Variants in CSMD1 observed in about 807,000 individuals in gnomAD.
The protein encoded by CSMD1 is CUB and sushi domain-containing protein 1.
In CSMD1, 213 loss-of-function variants were observed where a neutral mutation model predicts 417.5. The observed-to-expected ratio is 0.51, with a 90% CI of 0.46 to 0.57. CSMD1 has a LOEUF of 0.57. CSMD1 is among the 20% of genes least tolerant of loss of function. CSMD1 has a pLI of 0.00. For missense variants in CSMD1, 6,923 were observed against 4,529.7 expected (o/e 1.53, Z -15.17); for synonymous variants, 2,862 against 1,736.8 (o/e 1.65, Z -16.11).
intron 44 of CSMD1, among the ~76,000 whole-genome samples, chr8:3,108,299 A>G (rs1311259828): frequency 6.6e-6 from 1 of 152,202 alleles, no homozygotes; most frequent in East Asian, 1.9e-4. Context: ...ATAACACCTT[A>G]TCTTGAGACA....
At chr8:3,068,384 C>T (rs1456170612) in intron 49 of CSMD1, among the ~76,000 whole-genome samples, 1 of 152,094 alleles carries the variant, frequency 6.6e-6, no homozygotes, top group Non-Finnish European at 1.5e-5. Flanking sequence ...CTCAGGACTT[C>T]TAACAAAAAA....
intron 46 of CSMD1, among the ~76,000 whole-genome samples, chr8:3,099,246 A>G (rs1815561350): frequency 6.6e-6 from 1 of 152,074 alleles, no homozygotes; most frequent in South Asian, 2.1e-4. Flanking sequence ...GCATAAATAA[A>G]CTTTACCTAC....
At chr8:3,429,230 C>T (rs187629477) in intron 12 of CSMD1, among the ~76,000 whole-genome samples, 23 of 152,268 alleles carry the variant, frequency 1.5e-4, no homozygotes, top group Admixed American at 7.8e-4. Flanking sequence ...GGAGATGATG[C>T]AAATGCTACG....
chr8:4,485,341 C>A (rs1256999560), intron 2 of CSMD1, among the ~76,000 whole-genome samples: 1 of 152,168 alleles, frequency 6.6e-6, no homozygotes, highest in Non-Finnish European at 1.5e-5. Context: ...AACAACCTGT[C>A]TTCATTTTTG....
intron 1 of CSMD1, among the ~76,000 whole-genome samples, chr8:4,878,809 G>T (rs1803210714): frequency 6.6e-6 from 1 of 151,858 alleles, no homozygotes; most frequent in Non-Finnish European, 1.5e-5. Context: ...CTATGAAGCT[G>T]AAAAACAGTA....
intron 11 of CSMD1, among the ~76,000 whole-genome samples, chr8:3,487,829 A>C (rs1818145391): frequency 6.6e-6 from 1 of 152,122 alleles, no homozygotes; most frequent in African/African-American, 2.4e-5. Flanking sequence ...GAAATCGTAA[A>C]AATCCTCAAG....
intron 7 of CSMD1, 119 bp from the exon 8 acceptor site, chr8:3,616,916 A>G (rs1584967016): frequency 1.6e-6 from 1 of 617,622 alleles, no homozygotes; most frequent in Non-Finnish European, 2.8e-6. Context: ...TGTGATCTCC[A>G]AAGGAATTAA....
chr8:3,573,180 C>T (rs774765572), intron 10 of CSMD1, among the ~76,000 whole-genome samples: 92 of 152,068 alleles, frequency 6.0e-4, no homozygotes, highest in Non-Finnish European at 1.1e-3. Context: ...CATTTACTTA[C>T]GCAACATGTG....
chr8:4,151,828 T>C (rs1796586465), intron 3 of CSMD1, among the ~76,000 whole-genome samples: 1 of 152,204 alleles, frequency 6.6e-6, no homozygotes, highest in African/African-American at 2.4e-5. Context: ...TTTTTATATA[T>C]ATAGCATGAA....
At chr8:4,460,316 T>G (rs1055237561) in intron 2 of CSMD1, among the ~76,000 whole-genome samples, 2 of 152,020 alleles carry the variant, frequency 1.3e-5, no homozygotes, top group African/African-American at 4.8e-5. Flanking sequence ...CATCAAAATG[T>G]ATGAAATGCA....
intron 3 of CSMD1, among the ~76,000 whole-genome samples, chr8:4,119,466 GA>G (rs777247396): frequency 1.3e-5 from 2 of 152,130 alleles, no homozygotes; most frequent in African/African-American, 2.4e-5. Flanking sequence ...GTGTCAGCCC[GA>G]AAACCCATTG....
At chr8:4,025,671 T>A (rs1797023904) in intron 4 of CSMD1, among the ~76,000 whole-genome samples, 1 of 152,120 alleles carries the variant, frequency 6.6e-6, no homozygotes, top group Non-Finnish European at 1.5e-5. Context: ...GATCTTAAGT[T>A]GAAAGACTCA....
chr8:3,813,319 A>G (rs932065684), intron 5 of CSMD1, among the ~76,000 whole-genome samples: 1 of 152,184 alleles, frequency 6.6e-6, no homozygotes, highest in African/African-American at 2.4e-5. Flanking sequence ...CTAAGATATC[A>G]TATGATCTGT....
At chr8:4,753,942 G>T (rs141323215) in intron 1 of CSMD1, among the ~76,000 whole-genome samples, 11 of 152,282 alleles carry the variant, frequency 7.2e-5, no homozygotes, top group African/African-American at 2.4e-4. Context: ...TGCTTTATGT[G>T]CTGCCAATTT....
intron 2 of CSMD1, among the ~76,000 whole-genome samples, chr8:4,455,538 G>A (rs1799414192): frequency 6.6e-6 from 1 of 152,068 alleles, no homozygotes; most frequent in African/African-American, 2.4e-5. Context: ...CACATCATGG[G>A]CCTCACTTTA....
At chr8:3,623,665 G>C (rs543504723) in intron 7 of CSMD1, among the ~76,000 whole-genome samples, 1 of 152,186 alleles carries the variant, frequency 6.6e-6, no homozygotes, top group Non-Finnish European at 1.5e-5. Context: ...AGAAAACTGA[G>C]GCCAGAGTTA....
chr8:4,733,939 G>T (rs1336621224), intron 1 of CSMD1, among the ~76,000 whole-genome samples: 1 of 152,160 alleles, frequency 6.6e-6, no homozygotes, highest in African/African-American at 2.4e-5. Flanking sequence ...ATGGTAATTA[G>T]CAAGAGGCTG....
chr8:3,589,154 C>A (rs183577172), intron 8 of CSMD1, among the ~76,000 whole-genome samples: 1 of 152,214 alleles, frequency 6.6e-6, no homozygotes, highest in Admixed American at 6.5e-5. Flanking sequence ...TGTAAATTAG[C>A]ATACTCATTA....
chr8:4,160,841 A>C (rs1294603542), intron 3 of CSMD1, among the ~76,000 whole-genome samples: 5 of 152,234 alleles, frequency 3.3e-5, no homozygotes, highest in Admixed American at 6.5e-5. Context: ...AGGAACTTGA[A>C]GTTTCTAATA....
Sources: allele counts gnomAD v4.1 joint callset (sites outside exome capture counted in the v4.1 genomes callset), GRCh38; gene constraint gnomAD v4.1.1; transcripts MANE v1.5; gene names NCBI Gene and HGNC (gene_info 2026-07-23, HGNC 2026-07-21).